NT5DC3: variants seen among roughly 807,000 people sequenced by gnomAD.
NT5DC3 encodes 5'-nucleotidase domain containing 3, also known as 5'-nucleotidase domain-containing protein 3.
In NT5DC3, 42 loss-of-function variants were observed where a neutral mutation model predicts 67.8. That is an observed-to-expected ratio of 0.62 (90% confidence interval 0.48 to 0.80). The LOEUF (loss-of-function observed/expected upper bound fraction) is 0.80. Among genes scored for constraint, NT5DC3 ranks in the 30% least tolerant of loss-of-function variants. NT5DC3 has a pLI of 0.00. For synonymous variants in NT5DC3, 237 were observed against 255.6 expected (o/e 0.93, Z 0.69); for missense variants, 570 against 696.4 (o/e 0.82, Z 2.04).
Position 103,776,909 on chromosome 12 carries a change from T to C in NT5DC3, c.*920A>G, listed in dbSNP as rs888066681. The C allele has an allele frequency of 2.0e-5, 3 of 152,208 alleles. No homozygotes were observed. The highest frequency in any genetic ancestry group is 7.2e-5 in the African/African-American group (3 of 41,444). The allele number at this position is 152,208 out of a possible 1,614,324, so 9.4% of individuals were successfully genotyped here. ...TCTCATGTTTTAACAGGATTCCAAT[T>C]CAACTGGGTGGGTGGCATGGCATAG... is the stretch of plus-strand genomic sequence containing the variant. On this transcript the variant is annotated 3_prime_UTR_variant, in exon 14 of 14. Coordinates refer to ENST00000392876, the MANE Select transcript of NT5DC3 (RefSeq NM_001031701.3).
chr12:103,792,948 G>A (rs1197150870), intron 9 of NT5DC3, among the ~76,000 whole-genome samples: 1 of 152,176 alleles, frequency 6.6e-6, no homozygotes, highest in Non-Finnish European at 1.5e-5. Flanking sequence ...GTCTGAAGTA[G>A]CTCAAGTTGA....
intron 1 of NT5DC3, among the ~76,000 whole-genome samples, chr12:103,830,280 T>C (rs1255156126): frequency 6.6e-6 from 1 of 152,244 alleles, no homozygotes; most frequent in African/African-American, 2.4e-5. Flanking sequence ...TGTTGCTCCA[T>C]GGTCTATACT....
Position 103,806,379 on chromosome 12 carries a change from T to C in NT5DC3, c.469-2A>G. The C allele has an allele frequency of 2.5e-6, 4 of 1,592,938 alleles. No homozygotes were observed. Among genetic ancestry groups the C allele is most frequent in the Non-Finnish European group, 3.4e-6 (4 of 1,160,718 alleles). ...AGCATCGATCTTCATTAATACTGCC[T>C]TTAAAAACATAAACATATGCACATG... On this transcript the variant is annotated splice_acceptor_variant, in intron 3 of 13. Transcript: ENST00000392876. LOFTEE classifies it high-confidence loss of function.
At chr12:103,800,118 C>G (rs915941892) in intron 4 of NT5DC3, among the ~76,000 whole-genome samples, 1 of 152,234 alleles carries the variant, frequency 6.6e-6, no homozygotes, top group Non-Finnish European at 1.5e-5. Flanking sequence ...ACATGGTCCA[C>G]AGTAAAACCT....
rs763731791 is a variant in NT5DC3 at position 103,788,882 on chromosome 12, A to G, written c.1057T>C (p.Trp353Arg). 1 of 1,613,672 alleles carries G rather than the reference A, an allele frequency of 6.2e-7. No homozygotes were observed. Among genetic ancestry groups the G allele is most frequent in the Non-Finnish European group, 8.5e-7 (1 of 1,179,550 alleles). ...TTCTGCAACTTATGGATTTTATCCC[A>G]GAGTAAGACACCTTTCTCATTCATC... ...RKMNEKGVLL[W>R]DKIHKLQKGQ... Residue 353 changes from tryptophan to arginine, a missense_variant, in exon 10 of 14, where the codon TGG becomes CGG. By Grantham distance (101) the Trp-to-Arg change is moderately radical. Transcript: ENST00000392876.
At chr12:103,819,765 T>C (rs1366263431) in intron 1 of NT5DC3, 2 of 152,286 alleles carry the variant, frequency 1.3e-5, no homozygotes, top group Non-Finnish European at 2.9e-5. Context: ...TTTTGTGTTT[T>C]TTATTGTGGC....
At chr12:103,830,017 C>T (rs760520368) in intron 1 of NT5DC3, among the ~76,000 whole-genome samples, 1 of 152,188 alleles carries the variant, frequency 6.6e-6, no homozygotes, top group Non-Finnish European at 1.5e-5. Flanking sequence ...CTGTTCAAAA[C>T]TCTATCAGTC....
intron 5 of NT5DC3, among the ~76,000 whole-genome samples, 194 bp downstream of exon 5, chr12:103,798,393 T>C (rs575221056): frequency 6.6e-6 from 1 of 152,060 alleles, no homozygotes; most frequent in Non-Finnish European, 1.5e-5. Context: ...AGAGCCTTCA[T>C]CAGGTGGGGA....
the NT5DC3 span, among the ~76,000 whole-genome samples, chr12:103,764,986 G>A: frequency 6.6e-6 from 1 of 150,970 alleles, no homozygotes; most frequent in African/African-American, 2.4e-5. Flanking sequence ...TACACGGGAG[G>A]CTGAGGCAAC....
intron 1 of NT5DC3, among the ~76,000 whole-genome samples, chr12:103,840,418 C>T (rs952031880): frequency 7.6e-6 from 1 of 132,274 alleles, no homozygotes; most frequent in African/African-American, 2.8e-5. Flanking sequence ...CTCATCTCAT[C>T]TCATTCCATC....
chr12:103,763,426 C>A, the NT5DC3 span: 3 of 1,467,252 alleles, frequency 2.0e-6, no homozygotes, highest in Non-Finnish European at 2.8e-6. Context: ...GCTTTACCTG[C>A]CAACTTGGCT....
At chr12:103,788,268 C>T (rs530341542) in intron 10 of NT5DC3, among the ~76,000 whole-genome samples, 29 of 152,136 alleles carry the variant, frequency 1.9e-4, no homozygotes, top group Admixed American at 3.3e-4. Context: ...TGGCAAGACC[C>T]TGTCTCTACA....
chr12:103,793,263 T>G lies in NT5DC3; in HGVS notation c.920A>C (p.Asp307Ala). Residue 307 changes from aspartate to alanine, a missense_variant and splice_region_variant, in exon 9 of 14, where the codon GAC (aspartate) becomes GCC (alanine). Physicochemically the swap from Asp to Ala is moderately radical, Grantham distance 126. Around this residue, in one of 2 missense-constraint regions of NT5DC3, gnomAD observed 466 missense variants for 608.0 expected, o/e 0.77. Transcript: ENST00000392876. ...CCCAACGATATAACTCATCCCTTTGTCCCTAGGGCAACAAGTCAGCCAGGT... is the reference window on the plus strand; with the variant it reads ...CCCAACGATATAACTCATCCCTTTGGCCCTAGGGCAACAAGTCAGCCAGGT... The part of the protein sequence containing the change: ...LITNSPSSFV[D>A]KGMSYIVGKD... 1 of 1,607,682 alleles carries G rather than the reference T, an allele frequency of 6.2e-7. No individual in the cohort carries two copies. The highest frequency in any genetic ancestry group is 1.7e-5 in the Admixed American group (1 of 58,972).
At chr12:103,754,960 A>AT in the NT5DC3 span, 1 of 225,406 alleles carries the variant, frequency 4.4e-6, no homozygotes, top group Non-Finnish European at 8.8e-6. Flanking sequence ...AAAAAAAAAA[A>AT]ATTTGAGTTC....
At chr12:103,840,377 G>GCTCATCTCAT (rs10552367) in intron 1 of NT5DC3, among the ~76,000 whole-genome samples, 18,109 of 115,152 alleles carry the variant, frequency 0.16, 2,069 homozygotes, top group Non-Finnish European at 0.22. Flanking sequence ...ACACCGCACA[G>GCTCATCTCAT]CTCATCTCAT....
chr12:103,812,142 G>T lies in NT5DC3; in HGVS notation c.393+2795C>A, dbSNP rs374835301. On this transcript the variant is annotated intron_variant, in intron 2 of 13. Coordinates refer to ENST00000392876, the MANE Select transcript of NT5DC3 (RefSeq NM_001031701.3). ...TAAAAATTGCTTATTTTTTAAAAAGGGTAATTACGAAGGAGCTGGAAGCTT... is the reference window on the plus strand; with the variant it reads ...TAAAAATTGCTTATTTTTTAAAAAGTGTAATTACGAAGGAGCTGGAAGCTT... Among the ~76,000 whole-genome samples, 3 of 151,980 alleles carry T rather than the reference G, an allele frequency of 2.0e-5. No homozygotes were observed. The East Asian group carries it at 5.8e-4, about 29-fold the overall frequency.
intron 1 of NT5DC3, among the ~76,000 whole-genome samples, chr12:103,828,638 C>T (rs1207536878): frequency 6.6e-6 from 1 of 152,112 alleles, no homozygotes; most frequent in Non-Finnish European, 1.5e-5. Flanking sequence ...CTCCTCCTGC[C>T]TCTGACATTA....
intron 1 of NT5DC3, among the ~76,000 whole-genome samples, chr12:103,839,587 A>C (rs1467920296): frequency 6.6e-6 from 1 of 151,888 alleles, no homozygotes; most frequent in African/African-American, 2.4e-5. Flanking sequence ...TATCTCAATA[A>C]GAATTACAAG....
At chr12:103,838,547 A>C (rs1888245969) in intron 1 of NT5DC3, among the ~76,000 whole-genome samples, 1 of 152,236 alleles carries the variant, frequency 6.6e-6, no homozygotes, top group African/African-American at 2.4e-5. Context: ...CTAAACATGC[A>C]ATTGCCATTT....
Sources: allele counts gnomAD v4.1 joint callset (sites outside exome capture counted in the v4.1 genomes callset), GRCh38; gene constraint gnomAD v4.1.1; regional missense constraint gnomAD v4.1.1; transcripts MANE v1.5; gene names NCBI Gene and HGNC (gene_info 2026-07-23, HGNC 2026-07-21).